Variants in LMAN1 observed in about 807,000 individuals in gnomAD.
The protein encoded by LMAN1 is lectin, mannose binding 1.
In LMAN1, 32 loss-of-function variants were observed where a neutral mutation model predicts 67.8. The observed-to-expected ratio is 0.47, with a 90% CI of 0.36 to 0.63. LMAN1 has a LOEUF of 0.63. Ranked by LOEUF, LMAN1 falls within the 30% of genes least tolerant of loss-of-function variation. The pLI is 0.00. For missense variants in LMAN1, 632 were observed against 628.2 expected (o/e 1.01, Z -0.06); for synonymous variants, 235 against 219.3 (o/e 1.07, Z -0.63).
At chr18:59,359,003 C>A (rs754237975) in intron 1 of LMAN1, 28 bp downstream of exon 1, 5 of 1,606,504 alleles carry the variant, frequency 3.1e-6, no homozygotes, top group Non-Finnish European at 4.3e-6. Flanking sequence ...GAGAGGAACC[C>A]GGCCCCCAGC....
At chr18:59,331,179 T>C (rs762211061) in intron 12 of LMAN1, 50 bp from the exon 13 acceptor site, 2 of 1,485,568 alleles carry the variant, frequency 1.3e-6, no homozygotes, top group South Asian at 1.2e-5. Context: ...ACGCTTAACT[T>C]TGGAAAGAAA....
rs577909415 is a variant in LMAN1 at position 59,331,335 on chromosome 18, T to G, written c.1496+83A>C. 14 of 1,384,762 alleles carry G rather than the reference T, an allele frequency of 1.0e-5. No individual in the cohort carries two copies. The African/African-American group carries it at 1.3e-4, about 13-fold the overall frequency. 85.8% of individuals were successfully genotyped at this position (1,384,762 alleles called of 1,614,324 possible). On this transcript the variant is annotated intron_variant, in intron 12 of 12. Coordinates refer to ENST00000251047, the MANE Select transcript of LMAN1 (RefSeq NM_005570.4). The stretch of plus-strand genomic sequence containing the variant: ...ATTTTATAGGTGGTGAAAATTGTAT[T>G]ATGAACATAGATAACTTAGTTGAAT...
chr18:59,340,497 GA>G (rs879865993), intron 8 of LMAN1, among the ~76,000 whole-genome samples: 63 of 142,582 alleles, frequency 4.4e-4, no homozygotes, highest in South Asian at 1.3e-3. Context: ...GCTAATAAAA[GA>G]AAAAAAAAAA....
rs538503958 is a variant in LMAN1, at chr18:59,333,419, AACG to A, written c.1221-178_1221-176del. The A allele has an allele frequency of 2.6e-3, 1,514 of 578,920 alleles. 20 individuals are homozygous for A. The highest frequency in any genetic ancestry group is 1.5e-3 in the South Asian group (67 of 44,858). 35.9% of individuals were successfully genotyped at this position (578,920 alleles called of 1,614,324 possible). ...TTCAAAATTGGAAAATAATTTATAA[AACG>A]ACATTATGCCTTTATATTTTACTAA... On this transcript the variant is annotated intron_variant, in intron 10 of 12. Coordinates refer to ENST00000251047, the MANE Select transcript of LMAN1 (RefSeq NM_005570.4).
intron 8 of LMAN1, among the ~76,000 whole-genome samples, chr18:59,341,188 T>G (rs574333308): frequency 6.6e-6 from 1 of 152,048 alleles, no homozygotes; most frequent in South Asian, 2.1e-4. Flanking sequence ...GCACCCAACA[T>G]TAGAGCATCA....
At chr18:59,340,238 A>G (rs1288827689) in intron 8 of LMAN1, among the ~76,000 whole-genome samples, 1 of 152,184 alleles carries the variant, frequency 6.6e-6, no homozygotes, top group Non-Finnish European at 1.5e-5. Context: ...AATTGATGAG[A>G]GCTTCCCAAG....
chr18:59,352,922 CCTATCTAT>C lies in LMAN1; in HGVS notation c.639+272_639+279del, dbSNP rs764166780. 6 of 372,280 alleles carry C rather than the reference CCTATCTAT, an allele frequency of 1.6e-5. No homozygotes were observed. In the East Asian group the frequency reaches 1.9e-4, roughly 12 times the overall value. The allele number at this position is 372,280 out of a possible 1,614,324, so 23.1% of individuals were successfully genotyped here. ...GATTATCCGTCTATCTATCTATCTA[CCTATCTAT>C]CTATCTATCTATAGATATATATATC... On this transcript the variant is annotated intron_variant, in intron 5 of 12. Coordinates refer to ENST00000251047, the MANE Select transcript of LMAN1 (RefSeq NM_005570.4).
rs1908227557 is a variant in LMAN1, at chr18:59,338,970, T to A, written c.956-17A>T. ...TTTCCTCCGCTGAAAAGGAAATAAA[T>A]AAAAATGATCAGAGTCACCTACACA... On this transcript the variant is annotated splice_polypyrimidine_tract_variant and intron_variant, in intron 8 of 12. Coordinates refer to ENST00000251047, the MANE Select transcript of LMAN1 (RefSeq NM_005570.4). 4 of 1,605,780 alleles carry A rather than the reference T, an allele frequency of 2.5e-6. No individual in the cohort carries two copies. The highest frequency in any genetic ancestry group is 3.3e-4 in the Middle Eastern group (2 of 6,074).
chr18:59,355,047 T>C (rs886140992), intron 3 of LMAN1, among the ~76,000 whole-genome samples: 2 of 152,214 alleles, frequency 1.3e-5, no homozygotes, highest in African/African-American at 4.8e-5. Flanking sequence ...ATCCATTAAA[T>C]AGGGCCATGG....
chr18:59,345,893 C>G (rs370048371), intron 8 of LMAN1, 26 bp downstream of exon 8: 4 of 1,613,580 alleles, frequency 2.5e-6, no homozygotes, highest in Non-Finnish European at 3.4e-6. Context: ...TGCTGCGGCA[C>G]CCATGTCAGC....
chr18:59,353,412 G>T (rs1908590222), intron 4 of LMAN1, 111 bp from the exon 5 acceptor site: 4 of 816,724 alleles, frequency 4.9e-6, no homozygotes, highest in Admixed American at 3.7e-5. Flanking sequence ...GATACTTTAT[G>T]TTATTTACTC....
Position 59,355,487 on chromosome 18 carries a change from T to C in LMAN1, c.369+17A>G. ...ATGCATTTATGCACATTTTCTAAGT[T>C]AAAGAAATGATCATACTAGGCCATC... On this transcript the variant is annotated intron_variant, in intron 2 of 12. Transcript: ENST00000251047. 1 of 1,614,090 alleles carries C rather than the reference T, an allele frequency of 6.2e-7. No homozygotes were observed. Among genetic ancestry groups the C allele is most frequent in the Non-Finnish European group, 8.5e-7 (1 of 1,179,940 alleles).
intron 4 of LMAN1, among the ~76,000 whole-genome samples, chr18:59,354,258 T>C (rs556851306): frequency 6.6e-6 from 1 of 152,328 alleles, no homozygotes; most frequent in East Asian, 1.9e-4. Flanking sequence ...GAACAGTCTA[T>C]AAACTTTCAA....
At chr18:59,334,995 T>C (rs1908109307) in intron 10 of LMAN1, among the ~76,000 whole-genome samples, 2 of 152,176 alleles carry the variant, frequency 1.3e-5, no homozygotes, top group Admixed American at 1.3e-4. Context: ...AGAAAGGGAT[T>C]CTATGGATAA....
At chr18:59,332,442 C>T (rs2070753148) in intron 11 of LMAN1, among the ~76,000 whole-genome samples, 1 of 152,164 alleles carries the variant, frequency 6.6e-6, no homozygotes, top group South Asian at 2.1e-4. Context: ...CCTAAGTTTT[C>T]TCCCTTTCCT....
At chr18:59,350,835 G>C (rs1212881391) in intron 5 of LMAN1, among the ~76,000 whole-genome samples, 1 of 152,110 alleles carries the variant, frequency 6.6e-6, no homozygotes, top group African/African-American at 2.4e-5. Context: ...TCATTGTACT[G>C]TGAGTTAGCA....
chr18:59,352,942 T>C (rs962320972), intron 5 of LMAN1: 1 of 405,340 alleles, frequency 2.5e-6, no homozygotes, highest in African/African-American at 2.1e-5. Flanking sequence ...TATCTATCTA[T>C]AGATATATAT....
At chr18:59,344,445 A>G (rs1908355514) in intron 8 of LMAN1, among the ~76,000 whole-genome samples, 1 of 152,124 alleles carries the variant, frequency 6.6e-6, no homozygotes, top group Admixed American at 6.5e-5. Flanking sequence ...GTGTGTGTAT[A>G]TATGTATGTA....
intron 8 of LMAN1, among the ~76,000 whole-genome samples, chr18:59,344,848 G>A (rs1184519747): frequency 6.6e-6 from 1 of 152,168 alleles, no homozygotes; most frequent in Non-Finnish European, 1.5e-5. Flanking sequence ...ATTACACTGT[G>A]TGATTCTACT....
Sources: allele counts gnomAD v4.1 joint callset (sites outside exome capture counted in the v4.1 genomes callset), GRCh38; gene constraint gnomAD v4.1.1; transcripts MANE v1.5; gene names NCBI Gene and HGNC (gene_info 2026-07-23, HGNC 2026-07-21).